LARGE1: variants seen among roughly 807,000 people sequenced by gnomAD.
LARGE1 encodes the protein LARGE xylosyl- and glucuronyltransferase 1.
Under a neutral mutation model 87.6 loss-of-function variants are expected in LARGE1, and 43 were observed. The ratio of observed to expected loss-of-function variants is 0.49; its 90% CI spans 0.38 to 0.63. The LOEUF (loss-of-function observed/expected upper bound fraction) is 0.63, where lower values mean the gene tolerates loss of function less well. Ranked by LOEUF, LARGE1 falls within the 30% of genes least tolerant of loss-of-function variation. The pLI is 0.00. For synonymous variants in LARGE1, 434 were observed against 394.6 expected (o/e 1.10, Z -1.18); for missense variants, 802 against 1,000.2 (o/e 0.80, Z 2.67).
chr22:33,848,613 C>T (rs1019196839), intron 1 of LARGE1, among the ~76,000 whole-genome samples: 2 of 152,162 alleles, frequency 1.3e-5, no homozygotes, highest in Non-Finnish European at 2.9e-5. Flanking sequence ...AGATGCCCCA[C>T]GCTCCTTGCA....
intron 6 of LARGE1, among the ~76,000 whole-genome samples, chr22:33,549,403 TG>T (rs1240563432): frequency 6.6e-6 from 1 of 152,232 alleles, no homozygotes; most frequent in African/African-American, 2.4e-5. Flanking sequence ...TGTTCCCTCT[TG>T]TAATTTCGAG....
At chr22:33,836,876 C>T (rs1457524502) in intron 1 of LARGE1, among the ~76,000 whole-genome samples, 1 of 151,844 alleles carries the variant, frequency 6.6e-6, no homozygotes, top group Non-Finnish European at 1.5e-5. Flanking sequence ...ACCATTATGA[C>T]CTGATCACAA....
intron 12 of LARGE1, among the ~76,000 whole-genome samples, chr22:33,302,699 AG>A (rs1216993361): frequency 6.6e-6 from 1 of 152,194 alleles, no homozygotes; most frequent in Non-Finnish European, 1.5e-5. Context: ...AGAACGAGAG[AG>A]AAAGAAATCA....
At chr22:33,416,043 A>G (rs1267362993) in intron 7 of LARGE1, among the ~76,000 whole-genome samples, 1 of 152,016 alleles carries the variant, frequency 6.6e-6, no homozygotes, top group East Asian at 1.9e-4. Flanking sequence ...TGTGCCAGCT[A>G]TTTCCCATTC....
the LARGE1 span, among the ~76,000 whole-genome samples, chr22:33,122,934 G>A: frequency 6.6e-6 from 1 of 152,180 alleles, no homozygotes; most frequent in Non-Finnish European, 1.5e-5. Context: ...GTACTGGTTG[G>A]GCTTGCTTCC....
At chr22:33,780,158 C>G (rs2085373506) in intron 1 of LARGE1, among the ~76,000 whole-genome samples, 2 of 152,190 alleles carry the variant, frequency 1.3e-5, no homozygotes, top group African/African-American at 4.8e-5. Context: ...GTCCAAACTT[C>G]CCGTTACAAG....
intron 1 of LARGE1, among the ~76,000 whole-genome samples, chr22:33,795,996 T>TAAA (rs3072310): frequency 6.4e-4 from 92 of 143,394 alleles, no homozygotes; most frequent in African/African-American, 2.1e-3. Context: ...CTTAAAGTAT[T>TAAA]AAAAAAAAAA....
At chr22:33,384,033 C>T (rs1326388757) in intron 8 of LARGE1, among the ~76,000 whole-genome samples, 159 bp downstream of exon 8, 1 of 152,248 alleles carries the variant, frequency 6.6e-6, no homozygotes, top group East Asian at 1.9e-4. Context: ...AGGAGTTGAG[C>T]TGTTGTCTTA....
intron 2 of LARGE1, among the ~76,000 whole-genome samples, chr22:33,683,513 A>G (rs1326754414): frequency 6.6e-6 from 1 of 152,160 alleles, no homozygotes; most frequent in Non-Finnish European, 1.5e-5. Flanking sequence ...CTCTTTATAT[A>G]TTATATATAA....
At chr22:33,674,378 A>G (rs1414839900) in intron 2 of LARGE1, among the ~76,000 whole-genome samples, 1 of 152,074 alleles carries the variant, frequency 6.6e-6, no homozygotes, top group East Asian at 1.9e-4. Context: ...GGCTTATTTC[A>G]CCTACTATCA....
chr22:33,556,643 G>GT (rs1055519575), intron 6 of LARGE1, among the ~76,000 whole-genome samples: 5 of 151,220 alleles, frequency 3.3e-5, no homozygotes, highest in African/African-American at 1.2e-4. Context: ...AGGAACTCAG[G>GT]AAGGTAGGGA....
At chr22:33,298,635 C>A (rs145191999) in intron 12 of LARGE1, among the ~76,000 whole-genome samples, 5 of 152,084 alleles carry the variant, frequency 3.3e-5, no homozygotes, top group African/African-American at 1.2e-4. Flanking sequence ...CTAGCCTGGA[C>A]AATAGGGTCT....
chr22:33,116,840 T>G, the LARGE1 span, among the ~76,000 whole-genome samples: 2 of 152,208 alleles, frequency 1.3e-5, no homozygotes, highest in Admixed American at 6.5e-5. Context: ...CTTAGGAAAA[T>G]AGAGCATACT....
At chr22:33,147,848 T>A in the LARGE1 span, among the ~76,000 whole-genome samples, 1 of 152,332 alleles carries the variant, frequency 6.6e-6, no homozygotes, top group Non-Finnish European at 1.5e-5. Flanking sequence ...AACATCATCA[T>A]CCTACCCTAT....
chr22:33,281,648 T>C (rs565232543), intron 13 of LARGE1, among the ~76,000 whole-genome samples: 16 of 152,314 alleles, frequency 1.1e-4, no homozygotes, highest in Non-Finnish European at 2.2e-4. Context: ...TAAGTGGTAG[T>C]TATTTCTTTC....
At chr22:33,673,772 A>G (rs1485320786) in intron 2 of LARGE1, among the ~76,000 whole-genome samples, 1 of 152,086 alleles carries the variant, frequency 6.6e-6, no homozygotes, top group Non-Finnish European at 1.5e-5. Flanking sequence ...ATCTCGGCTC[A>G]CTGCAGCCTC....
intron 1 of LARGE1, among the ~76,000 whole-genome samples, chr22:33,914,079 A>G (rs1261066600): frequency 6.6e-6 from 1 of 152,138 alleles, no homozygotes; most frequent in East Asian, 1.9e-4. Flanking sequence ...GCACTCCTCC[A>G]CTTGGCTTCA....
chr22:33,737,766 T>A (rs2149502302), intron 2 of LARGE1: 2 of 152,270 alleles, frequency 1.3e-5, no homozygotes, highest in South Asian at 2.1e-4. Context: ...TAAAAATAAC[T>A]GTCAAGTTGA....
intron 9 of LARGE1, among the ~76,000 whole-genome samples, chr22:33,342,206 T>C (rs571497193): frequency 6.6e-6 from 1 of 152,320 alleles, no homozygotes; most frequent in East Asian, 1.9e-4. Context: ...TCTTTGCGAA[T>C]GATTCCGGTG....
Sources: allele counts gnomAD v4.1 joint callset (sites outside exome capture counted in the v4.1 genomes callset), GRCh38; gene constraint gnomAD v4.1.1; transcripts MANE v1.5; gene names NCBI Gene and HGNC (gene_info 2026-07-23, HGNC 2026-07-21).